ITGAV: variants seen among roughly 807,000 people sequenced by gnomAD.
ITGAV encodes the protein integrin alpha-V.
Under a neutral mutation model 143.8 loss-of-function variants are expected in ITGAV, and 76 were observed. The ratio of observed to expected loss-of-function variants is 0.53; its 90% CI spans 0.44 to 0.64. ITGAV has a LOEUF of 0.64. Among genes scored for constraint, ITGAV ranks in the 30% least tolerant of loss-of-function variants. ITGAV has a pLI of 0.00. For synonymous variants in ITGAV, 453 were observed against 446.7 expected, an observed-to-expected ratio of 1.01 and a Z score of -0.18; for missense variants, 1,193 against 1,274.7, an observed-to-expected ratio of 0.94 and a Z score of 0.98.
At chr2:186,596,852 T>A (rs1411505337) in intron 1 of ITGAV, among the ~76,000 whole-genome samples, 1 of 152,254 alleles carries the variant, frequency 6.6e-6, no homozygotes, top group Non-Finnish European at 1.5e-5. Context: ...CTCTTCATTG[T>A]TCTCTTTAAA....
intron 1 of ITGAV, among the ~76,000 whole-genome samples, chr2:186,594,549 C>T (rs1686696339): frequency 6.6e-6 from 1 of 152,188 alleles, no homozygotes; most frequent in Non-Finnish European, 1.5e-5. Flanking sequence ...TCATTTGGCT[C>T]TTAAACGTGC....
intron 2 of ITGAV, among the ~76,000 whole-genome samples, chr2:186,611,587 C>G (rs1444482659): frequency 6.6e-6 from 1 of 152,154 alleles, no homozygotes; most frequent in East Asian, 1.9e-4. Context: ...ATTGCTGTCT[C>G]TCTTGTTCTT....
In ITGAV at chr2:186,677,257, C is replaced by T; in HGVS notation, c.3112C>T (p.Pro1038Ser). The change falls in exon 30 of 30, where the codon CCT (proline) becomes TCT (serine). Residue 1038 changes from proline to serine, a missense_variant. Transcript: ENST00000261023. ...QEEQEREQLQ[P>S]HENGEGNSET ...AGAACAAGAAAGGGAGCAGCTTCAA[C>T]CTCATGAAAATGGTGAAGGAAACTC... The T allele has an allele frequency of 6.2e-7, 1 of 1,613,690 alleles. No homozygotes were observed. Among genetic ancestry groups the T allele is most frequent in the Non-Finnish European group, 8.5e-7 (1 of 1,179,750 alleles).
chr2:186,622,317 C>G, intron 2 of ITGAV, 22 bp from the exon 3 acceptor site: 1 of 1,488,664 alleles, frequency 6.7e-7, no homozygotes, highest in Non-Finnish European at 9.4e-7. Context: ...TGTGTCTTAC[C>G]ACTCACAATA....
intron 1 of ITGAV, among the ~76,000 whole-genome samples, chr2:186,594,689 A>T (rs958710469): frequency 6.6e-6 from 1 of 152,136 alleles, no homozygotes; most frequent in African/African-American, 2.4e-5. Flanking sequence ...CTTAACATGG[A>T]TTAAGGTCAC....
chr2:186,638,430 A>C lies in ITGAV; in HGVS notation c.868A>C (p.Asn290His). 6.2e-7 allele frequency: 1 copy of C among 1,611,860 alleles called. No individual in the cohort carries two copies. Reference protein sequence around the residue: ...LGMVYIYDGKNMSSLYNFTGE... With the variant: ...LGMVYIYDGKHMSSLYNFTGE... The stretch of plus-strand genomic sequence containing the variant: ...ACAGGTTTATATTTATGATGGGAAG[A>C]ACATGTCCTCCTTATACAATTTTAC... The change falls in exon 10 of 30, where the codon AAC (asparagine) becomes CAC (histidine). Residue 290 changes from asparagine to histidine, a missense_variant. By Grantham distance (68) the Asn-to-His change is moderately conservative. Coordinates refer to ENST00000261023, the MANE Select transcript of ITGAV (RefSeq NM_002210.5).
rs993239659 is a variant in ITGAV at position 186,666,685 on chromosome 2, C to A, written c.2167-19C>A. Reference sequence around the variant, plus strand: ...ATTAGACATTGACTAGCATTACTATCTTTTCCTCTCTCCTTTAGCTCTTAG... The same window carrying A: ...ATTAGACATTGACTAGCATTACTATATTTTCCTCTCTCCTTTAGCTCTTAG... On this transcript the variant is annotated intron_variant, in intron 21 of 29. Coordinates refer to ENST00000261023, the MANE Select transcript of ITGAV (RefSeq NM_002210.5). 2.8e-6 allele frequency: 4 copies of A among 1,441,152 alleles called. No individual in the cohort carries two copies. Among genetic ancestry groups the A allele is most frequent in the Non-Finnish European group, 3.7e-6 (4 of 1,079,258 alleles). 89.3% of individuals were successfully genotyped at this position (1,441,152 alleles called of 1,614,324 possible). A position where few individuals can be genotyped will look rare whatever the true frequency, so the allele number is the denominator to read the frequency against.
chr2:186,598,867 AG>A (rs1686821285), intron 1 of ITGAV, among the ~76,000 whole-genome samples: 1 of 152,158 alleles, frequency 6.6e-6, no homozygotes, highest in Admixed American at 6.5e-5. Context: ...TCTATTAAAT[AG>A]GGCGTGGTTT....
intron 18 of ITGAV, 44 bp downstream of exon 18, chr2:186,659,219 T>A: frequency 7.6e-7 from 1 of 1,324,182 alleles, no homozygotes; most frequent in African/African-American, 1.5e-5. Flanking sequence ...TTGTTATTTT[T>A]TTTTACAATT....
rs1488532886 is a variant in ITGAV, at chr2:186,590,297, T to C, written c.-42T>C. The C allele has an allele frequency of 4.1e-6, 6 of 1,466,944 alleles. No individual in the cohort carries two copies. The highest frequency in any genetic ancestry group is 3.6e-6 in the Non-Finnish European group (4 of 1,109,592). 90.9% of individuals were successfully genotyped at this position (1,466,944 alleles called of 1,614,324 possible). A position where few individuals can be genotyped will look rare whatever the true frequency, so the allele number is the denominator to read the frequency against. ...GGCGCCTCGCTGGGGCGGGGGGAGGTGGCTACCGCTCCCGGCTTGGCGTCC... is the reference window on the plus strand; with the variant it reads ...GGCGCCTCGCTGGGGCGGGGGGAGGCGGCTACCGCTCCCGGCTTGGCGTCC... On this transcript the variant is annotated 5_prime_UTR_variant, in exon 1 of 30. Transcript: ENST00000261023.
At chr2:186,617,028 T>G (rs1440282114) in intron 2 of ITGAV, among the ~76,000 whole-genome samples, 1 of 97,520 alleles carries the variant, frequency 1.0e-5, no homozygotes, top group Non-Finnish European at 2.2e-5. Context: ...ATTTTTTCTT[T>G]CTTTTTTTGT....
At chr2:186,620,404 G>A (rs1200755505) in intron 2 of ITGAV, among the ~76,000 whole-genome samples, 2 of 152,154 alleles carry the variant, frequency 1.3e-5, no homozygotes, top group Non-Finnish European at 2.9e-5. Context: ...ATGCCTGCAG[G>A]TGGAAATAAG....
At position 186,668,992 on chromosome 2, in the gene ITGAV, T is replaced by A. The variant is rs1688989351; in HGVS notation, c.2592+72T>A. The A allele has an allele frequency of 2.2e-6, 3 of 1,333,724 alleles. No individual in the cohort carries two copies. In the South Asian group the frequency reaches 4.3e-5, roughly 19 times the overall value. 82.6% of individuals were successfully genotyped at this position (1,333,724 alleles called of 1,614,324 possible). A position where few individuals can be genotyped will look rare whatever the true frequency, so the allele number is the denominator to read the frequency against. Reference sequence around the variant, plus strand: ...CTTCTTTCTAAACCTGTAAAAGAAATTCATAAAATAAAACAACTATTTTAA... The same window carrying A: ...CTTCTTTCTAAACCTGTAAAAGAAAATCATAAAATAAAACAACTATTTTAA... On this transcript the variant is annotated intron_variant, in intron 25 of 29. Coordinates refer to ENST00000261023, the MANE Select transcript of ITGAV (RefSeq NM_002210.5).
intron 1 of ITGAV, among the ~76,000 whole-genome samples, chr2:186,593,171 G>A (rs901877845): frequency 2.6e-5 from 4 of 152,176 alleles, no homozygotes; most frequent in Non-Finnish European, 4.4e-5. Context: ...TGGTTGTGAC[G>A]TCCACTCCTG....
intron 25 of ITGAV, among the ~76,000 whole-genome samples, chr2:186,669,378 A>G (rs1365155133): frequency 2.6e-5 from 4 of 152,264 alleles, no homozygotes; most frequent in African/African-American, 9.6e-5. Flanking sequence ...GTGAAGAAAC[A>G]AAATAAAAGA....
chr2:186,612,323 T>C (rs951306139), intron 2 of ITGAV, among the ~76,000 whole-genome samples: 2 of 152,116 alleles, frequency 1.3e-5, no homozygotes, highest in African/African-American at 4.8e-5. Flanking sequence ...ATCACTGCCC[T>C]ACGAAAGTCT....
intron 15 of ITGAV, among the ~76,000 whole-genome samples, chr2:186,652,931 A>ATTTTTTT (rs35139936): frequency 6.2e-4 from 51 of 82,450 alleles, no homozygotes; most frequent in African/African-American, 8.3e-4. Context: ...TTCATTATAG[A>ATTTTTTT]TTTTTTTTTT....
At chr2:186,661,839 C>T (rs899828529) in intron 18 of ITGAV, among the ~76,000 whole-genome samples, 1 of 152,100 alleles carries the variant, frequency 6.6e-6, no homozygotes, top group Non-Finnish European at 1.5e-5. Flanking sequence ...TCGTGATCCA[C>T]CCACCTTGGC....
intron 2 of ITGAV, among the ~76,000 whole-genome samples, chr2:186,609,790 C>CTA (rs1271042396): frequency 1.3e-5 from 1 of 75,588 alleles, no homozygotes; most frequent in Non-Finnish European, 3.2e-5. Context: ...TCCATGTGCC[C>CTA]TACATATATA....
Sources: gnomAD v4.1 joint callset for allele counts (sites outside exome capture counted in the v4.1 genomes callset) on GRCh38, gnomAD v4.1.1 for gene constraint, MANE v1.5 for transcripts, NCBI Gene and HGNC (gene_info 2026-07-23, HGNC 2026-07-21) for gene names.